FAM135B: variants seen among roughly 807,000 people sequenced by gnomAD.
FAM135B encodes the protein family with sequence similarity 135 member B.
In FAM135B, 43 loss-of-function variants were observed where a neutral mutation model predicts 127.7. The ratio of observed to expected loss-of-function variants is 0.34; its 90% CI spans 0.26 to 0.43. The LOEUF is 0.43. Among genes scored for constraint, FAM135B ranks in the 20% least tolerant of loss-of-function variants. FAM135B has a pLI of 1.00. For synonymous variants in FAM135B, 670 were observed against 665.1 expected (o/e 1.01, Z -0.11); for missense variants, 1,558 against 1,725.6 (o/e 0.90, Z 1.72).
intron 2 of FAM135B, among the ~76,000 whole-genome samples, chr8:138,320,906 T>C (rs1827408854): frequency 6.6e-6 from 1 of 152,246 alleles, no homozygotes; most frequent in South Asian, 2.1e-4. Flanking sequence ...AGGAGTAATA[T>C]TCTATAATGG....
In FAM135B at chr8:138,343,443, C is replaced by G. The variant is rs1347500654; in HGVS notation, c.77+24464G>C. On this transcript the variant is annotated intron_variant, in intron 2 of 19. Transcript: ENST00000395297. ...AAAAGGGCCTCAGGACTCTGAAAGT[C>G]TCCAGAGCTAACTCTGTCCCACCTC... is the stretch of plus-strand genomic sequence containing the variant. Among the ~76,000 whole-genome samples, 13 of 152,348 alleles carry G rather than the reference C, an allele frequency of 8.5e-5. No individual in the cohort carries two copies. The East Asian group carries it at 2.5e-3, about 29-fold the overall frequency.
At chr8:138,365,438 A>C (rs1419002004) in intron 2 of FAM135B, among the ~76,000 whole-genome samples, 1 of 152,198 alleles carries the variant, frequency 6.6e-6, no homozygotes, top group Non-Finnish European at 1.5e-5. Flanking sequence ...TCAATATCTC[A>C]AGGCCCAATA....
At chr8:138,309,067 T>A in intron 3 of FAM135B, 1 of 434,190 alleles carries the variant, frequency 2.3e-6, no homozygotes, top group South Asian at 1.7e-5. Context: ...TATTTATAAT[T>A]TCTAAGACAA....
At chr8:138,477,270 C>A (rs890149654) in intron 1 of FAM135B, 3 of 152,224 alleles carry the variant, frequency 2.0e-5, no homozygotes, top group African/African-American at 7.2e-5. Flanking sequence ...ATTTGCCAGC[C>A]AGGATCATGT....
At chr8:138,240,963 G>A (rs1820716267) in intron 7 of FAM135B, among the ~76,000 whole-genome samples, 1 of 152,166 alleles carries the variant, frequency 6.6e-6, no homozygotes, top group South Asian at 2.1e-4. Context: ...AAGATTTTCA[G>A]GCAGTAGATT....
intron 5 of FAM135B, 139 bp from the exon 6 acceptor site, chr8:138,251,153 G>T: frequency 1.0e-6 from 1 of 1,001,468 alleles, no homozygotes; most frequent in Non-Finnish European, 1.5e-6. Context: ...TGCTCTGCCT[G>T]GTAGAAATCA....
intron 4 of FAM135B, among the ~76,000 whole-genome samples, chr8:138,261,927 A>C (rs1334388982): frequency 6.6e-6 from 1 of 152,244 alleles, no homozygotes; most frequent in Non-Finnish European, 1.5e-5. Context: ...AAGCAGACTG[A>C]TACTAACTGG....
At chr8:138,353,774 C>T (rs185176679) in intron 2 of FAM135B, among the ~76,000 whole-genome samples, 11 of 125,224 alleles carry the variant, frequency 8.8e-5, no homozygotes, top group Admixed American at 3.1e-4. Context: ...ACAGTCTGAG[C>T]TCACACACCT....
chr8:138,142,910 C>A, intron 16 of FAM135B, 102 bp downstream of exon 16: 1 of 666,366 alleles, frequency 1.5e-6, no homozygotes, highest in South Asian at 1.8e-5. Flanking sequence ...TAGCTTAGCT[C>A]AGTGGTATAC....
rs1436520001 is a variant in FAM135B, at chr8:138,194,501, CCAGGCT to C, written c.873+751_873+756del. ...ACTCTGTTTCAGCCAGTTTGTATGCCCAGGCTCAGGCAAAGATGCATCATTAAAGTT... is the reference window on the plus strand; with the variant it reads ...ACTCTGTTTCAGCCAGTTTGTATGCCCAGGCAAAGATGCATCATTAAAGTT... On this transcript the variant is annotated intron_variant, in intron 9 of 19. Coordinates refer to ENST00000395297, the MANE Select transcript of FAM135B (RefSeq NM_015912.4). Among the ~76,000 whole-genome samples, 8 of 152,192 alleles carry C rather than the reference CCAGGCT, an allele frequency of 5.3e-5. No homozygotes were observed. The East Asian group carries it at 1.6e-3, about 30-fold the overall frequency.
rs372585070 is a variant in FAM135B at position 138,152,328 on chromosome 8, G to A, written c.2147C>T (p.Pro716Leu). 27 of 1,614,138 alleles carry A rather than the reference G, an allele frequency of 1.7e-5. No individual in the cohort carries two copies. Among genetic ancestry groups the A allele is most frequent in the South Asian group, 4.4e-5 (4 of 91,090 alleles). ...ELPSDREVLH[P>L]FVRRHALHRN... ...GTGGAGGGCATGTCTTCGAACAAAC[G>A]GGTGCAAGACTTCCCGATCACTGGG... Residue 716 changes from proline to leucine, a missense_variant, in exon 13 of 20, where the codon CCG (proline) becomes CTG (leucine). Physicochemically the swap from Pro to Leu is moderately conservative, Grantham distance 98. Transcript: ENST00000395297.
At chr8:138,268,879 GTCTTCT>G in intron 3 of FAM135B, among the ~76,000 whole-genome samples, 1 of 152,106 alleles carries the variant, frequency 6.6e-6, no homozygotes, top group Non-Finnish European at 1.5e-5. Flanking sequence ...CTACATATCT[GTCTTCT>G]TCTTTTGTGG....
At chr8:138,232,431 A>G (rs1819970344) in intron 7 of FAM135B, among the ~76,000 whole-genome samples, 1 of 152,208 alleles carries the variant, frequency 6.6e-6, no homozygotes, top group Non-Finnish European at 1.5e-5. Context: ...AGACCTTTGC[A>G]TTAAAGAACC....
intron 1 of FAM135B, among the ~76,000 whole-genome samples, chr8:138,383,353 A>G (rs1348583351): frequency 6.6e-6 from 1 of 152,224 alleles, no homozygotes; most frequent in African/African-American, 2.4e-5. Flanking sequence ...CCTTATCTGT[A>G]AAAACACACA....
At chr8:138,472,954 T>A (rs1158241765) in intron 1 of FAM135B, among the ~76,000 whole-genome samples, 2 of 152,184 alleles carry the variant, frequency 1.3e-5, no homozygotes, top group East Asian at 3.9e-4. Context: ...AGGTCACATA[T>A]AAGTCCTGCA....
chr8:138,465,122 C>T (rs1239352864), intron 1 of FAM135B, among the ~76,000 whole-genome samples: 29 of 152,120 alleles, frequency 1.9e-4, no homozygotes. Flanking sequence ...CAAACCAAGC[C>T]GGGCTCTTGT....
chr8:138,137,279 T>C lies in FAM135B; in HGVS notation c.3902-19A>G. 7.4e-7 allele frequency: 1 copy of C among 1,347,232 alleles called. No individual in the cohort carries two copies. The highest frequency in any genetic ancestry group is 1.1e-6 in the Non-Finnish European group (1 of 937,144). The allele number at this position is 1,347,232 out of a possible 1,614,324, so 83.5% of individuals were successfully genotyped here. The stretch of plus-strand genomic sequence containing the variant: ...TGCAGCCCTGTAAAAATTAGCCAGA[T>C]GAGTGCTTTTTACCCAGGTAGTTTC... On this transcript the variant is annotated intron_variant, in intron 18 of 19. Transcript: ENST00000395297.
chr8:138,369,429 G>A (rs1364604707), intron 1 of FAM135B, among the ~76,000 whole-genome samples: 1 of 152,176 alleles, frequency 6.6e-6, no homozygotes, highest in Non-Finnish European at 1.5e-5. Flanking sequence ...GATAACAGCA[G>A]GAGGATTAAC....
At chr8:138,175,665 C>G (rs1369314201) in intron 11 of FAM135B, among the ~76,000 whole-genome samples, 1 of 152,166 alleles carries the variant, frequency 6.6e-6, no homozygotes, top group Non-Finnish European at 1.5e-5. Flanking sequence ...GGCAGTTTGT[C>G]CTTTGTCTGT....
Sources: allele counts gnomAD v4.1 joint callset (sites outside exome capture counted in the v4.1 genomes callset), GRCh38; gene constraint gnomAD v4.1.1; transcripts MANE v1.5; gene names NCBI Gene and HGNC (gene_info 2026-07-23, HGNC 2026-07-21).